Variants in GUCY1A2 observed in about 807,000 individuals in gnomAD.
The protein encoded by GUCY1A2 is guanylate cyclase soluble subunit alpha-2.
GUCY1A2 carries 27 observed loss-of-function variants against 63.5 expected under a neutral mutation model. The observed-to-expected ratio is 0.43, with a 90% CI of 0.31 to 0.59. The LOEUF (loss-of-function observed/expected upper bound fraction) is 0.59. Ranked by LOEUF, GUCY1A2 falls within the 20% of genes least tolerant of loss-of-function variation. The pLI, the probability that GUCY1A2 is intolerant of heterozygous loss-of-function variation, is 0.11. For synonymous variants in GUCY1A2, 364 were observed against 343.5 expected, an observed-to-expected ratio of 1.06 and a Z score of -0.66; for missense variants, 768 against 913.3, an observed-to-expected ratio of 0.84 and a Z score of 2.05.
intron 4 of GUCY1A2, among the ~76,000 whole-genome samples, chr11:106,836,297 ATATTATG>A (rs2135440103): frequency 6.6e-6 from 1 of 152,088 alleles, no homozygotes; most frequent in East Asian, 1.9e-4. Context: ...TTTGTATTTT[ATATTATG>A]TATTATGTTC....
chr11:106,842,644 A>G (rs755460070), intron 4 of GUCY1A2, among the ~76,000 whole-genome samples: 1 of 151,944 alleles, frequency 6.6e-6, no homozygotes, highest in Non-Finnish European at 1.5e-5. Flanking sequence ...TTACTTTTCA[A>G]ATGGAGTTGC....
At chr11:106,982,587 G>C (rs2120130794) in intron 2 of GUCY1A2, among the ~76,000 whole-genome samples, 1 of 152,296 alleles carries the variant, frequency 6.6e-6, no homozygotes, top group East Asian at 1.9e-4. Context: ...GTTTGAGGTA[G>C]GTGATGGAGA....
At chr11:107,006,445 C>T (rs1861672114) in intron 1 of GUCY1A2, among the ~76,000 whole-genome samples, 1 of 152,162 alleles carries the variant, frequency 6.6e-6, no homozygotes, top group African/African-American at 2.4e-5. Context: ...CAGCCTCCAA[C>T]CATTCTGTGC....
intron 4 of GUCY1A2, among the ~76,000 whole-genome samples, chr11:106,837,130 G>T (rs1396772594): frequency 6.6e-6 from 1 of 151,522 alleles, no homozygotes; most frequent in African/African-American, 2.4e-5. Flanking sequence ...ATTTTTTTCT[G>T]ATCCTCTCCC....
chr11:106,776,342 T>A, intron 6 of GUCY1A2, 97 bp downstream of exon 6: 1 of 943,250 alleles, frequency 1.1e-6, no homozygotes, highest in Non-Finnish European at 1.6e-6. Flanking sequence ...CTTGTCTAGA[T>A]CTATAAATTA....
chr11:106,843,518 T>C (rs1050473461), intron 4 of GUCY1A2, among the ~76,000 whole-genome samples: 8 of 151,832 alleles, frequency 5.3e-5, no homozygotes, highest in Non-Finnish European at 8.8e-5. Flanking sequence ...GTGGGAGAAG[T>C]TGAAATTAAA....
chr11:106,977,556 G>A (rs903648293), intron 3 of GUCY1A2, among the ~76,000 whole-genome samples: 4 of 152,146 alleles, frequency 2.6e-5, no homozygotes, highest in Non-Finnish European at 2.9e-5. Flanking sequence ...GTAGCCAACC[G>A]GCAGCTGGAT....
rs1462222708 is a variant in GUCY1A2, at chr11:106,687,342, A to G, written c.*207T>C. 1.7e-6 allele frequency: 1 copy of G among 575,612 alleles called. No individual in the cohort carries two copies. Among genetic ancestry groups the G allele is most frequent in the Non-Finnish European group, 3.1e-6 (1 of 322,074 alleles). 35.7% of individuals were successfully genotyped at this position (575,612 alleles called of 1,614,324 possible). ...TGACCAAAACCACTCATATGAATGG[A>G]CACATCTTATTTCCCTCATCCTCCG... On this transcript the variant is annotated 3_prime_UTR_variant, in exon 8 of 8. Coordinates refer to ENST00000526355, the MANE Select transcript of GUCY1A2 (RefSeq NM_000855.3).
At chr11:106,724,556 G>C (rs939072972) in intron 6 of GUCY1A2, among the ~76,000 whole-genome samples, 2 of 152,076 alleles carry the variant, frequency 1.3e-5, no homozygotes, top group Non-Finnish European at 2.9e-5. Flanking sequence ...AACCACACTG[G>C]GTTATCAAGG....
chr11:106,941,864 C>A lies in GUCY1A2; in HGVS notation c.488-1686G>T, dbSNP rs541122595. Among the ~76,000 whole-genome samples the A allele has an allele frequency of 8.5e-5, 13 of 152,254 alleles. No individual in the cohort carries two copies. In the East Asian group the frequency reaches 2.5e-3, roughly 29 times the overall value. ...GTAGAAAACCTAAGTGAGAAACAGT[C>A]CCTTTATTAATAAGCATTTCATATT... On this transcript the variant is annotated intron_variant, in intron 3 of 7. Transcript: ENST00000526355.
chr11:106,802,654 T>C (rs537445781), intron 5 of GUCY1A2, among the ~76,000 whole-genome samples: 5 of 152,192 alleles, frequency 3.3e-5, no homozygotes, highest in Non-Finnish European at 5.9e-5. Context: ...GGCTGGAAAG[T>C]CCAAGATCAA....
intron 5 of GUCY1A2, among the ~76,000 whole-genome samples, chr11:106,790,935 G>A (rs1453720322): frequency 3.3e-5 from 5 of 152,160 alleles, no homozygotes; most frequent in African/African-American, 1.2e-4. Context: ...GATGTAAGTT[G>A]CACTGCCTGG....
intron 4 of GUCY1A2, among the ~76,000 whole-genome samples, chr11:106,885,263 A>T (rs1859882777): frequency 2.0e-5 from 3 of 152,188 alleles, no homozygotes; most frequent in African/African-American, 7.2e-5. Flanking sequence ...TCAGAAAACA[A>T]TTAACTTGTA....
At chr11:106,703,748 AGCAATC>A (rs572665107) in intron 7 of GUCY1A2, among the ~76,000 whole-genome samples, 1 of 152,174 alleles carries the variant, frequency 6.6e-6, no homozygotes, top group African/African-American at 2.4e-5. Context: ...CTAATTAGTA[AGCAATC>A]ACATATATAT....
Position 106,987,633 on chromosome 11 carries a change from A to C in GUCY1A2, c.304-1502T>G, listed in dbSNP as rs117895516. On this transcript the variant is annotated intron_variant, in intron 1 of 7. Coordinates refer to ENST00000526355, the MANE Select transcript of GUCY1A2 (RefSeq NM_000855.3). ...CCCCCACTGCACTCCATTCTGGGTG[A>C]CTGAGTGAGACTCTGCCTCAAAAAA... 1.7e-4 allele frequency among the ~76,000 whole-genome samples: 25 copies of C among 145,002 alleles called. No individual in the cohort carries two copies. In the East Asian group the frequency reaches 5.5e-3, roughly 32 times the overall value.
intron 4 of GUCY1A2, among the ~76,000 whole-genome samples, chr11:106,842,226 T>C (rs910091074): frequency 2.0e-5 from 3 of 151,936 alleles, no homozygotes; most frequent in African/African-American, 4.8e-5. Flanking sequence ...CCTTGCTCCA[T>C]CAAGATTGAC....
chr11:106,874,338 G>A (rs77617152), intron 4 of GUCY1A2, among the ~76,000 whole-genome samples: 5,801 of 152,144 alleles, frequency 0.038, 578 homozygotes, highest in East Asian at 0.25. Context: ...TAAAGAAATA[G>A]CACATATAAG....
intron 5 of GUCY1A2, among the ~76,000 whole-genome samples, chr11:106,789,907 A>C (rs1165426931): frequency 6.6e-6 from 1 of 152,108 alleles, no homozygotes; most frequent in Admixed American, 6.6e-5. Context: ...AGAGGGACAC[A>C]AACAACCCTG....
chr11:107,014,654 C>T (rs1399301588), intron 1 of GUCY1A2, among the ~76,000 whole-genome samples: 1 of 152,048 alleles, frequency 6.6e-6, no homozygotes, highest in Non-Finnish European at 1.5e-5. Flanking sequence ...GTGTGGATAT[C>T]CCATGGGTCA....
Sources: gnomAD v4.1 joint callset for allele counts (sites outside exome capture counted in the v4.1 genomes callset) on GRCh38, gnomAD v4.1.1 for gene constraint, MANE v1.5 for transcripts, NCBI Gene and HGNC (gene_info 2026-07-23, HGNC 2026-07-21) for gene names.